Variants in KDM3B observed in about 807,000 individuals in gnomAD.
KDM3B encodes lysine-specific demethylase 3B.
A neutral mutation model predicts 170.0 loss-of-function variants in KDM3B; 10 were observed. That is an observed-to-expected ratio of 0.06 (90% CI 0.04 to 0.10). The LOEUF is 0.10. Ranked by LOEUF, KDM3B falls within the 10% of genes least tolerant of loss-of-function variation. The probability of loss-of-function intolerance (pLI) is 1.00; values close to 1 mark genes in which losing one functional copy is unlikely to be tolerated. For missense variants in KDM3B, 1,394 were observed against 2,195.2 expected (o/e 0.64, Z 7.29); for synonymous variants, 831 against 834.8 (o/e 1.00, Z 0.08).
intron 11 of KDM3B, among the ~76,000 whole-genome samples, chr5:138,403,677 C>CAAA (rs35608823): frequency 7.6e-6 from 1 of 132,234 alleles, no homozygotes; most frequent in Non-Finnish European, 1.6e-5. Context: ...AACTCTGTCT[C>CAAA]AAAAAAAAAA....
chr5:138,372,108 G>A (rs1306457053), intron 1 of KDM3B, among the ~76,000 whole-genome samples: 1 of 152,178 alleles, frequency 6.6e-6, no homozygotes, highest in Non-Finnish European at 1.5e-5. Flanking sequence ...GTGAGACCCT[G>A]TCTCAATCGA....
At chr5:138,393,510 AGAG>A (rs1762483730) in intron 9 of KDM3B, 138 bp downstream of exon 9, 2 of 693,532 alleles carry the variant, frequency 2.9e-6, no homozygotes, top group Non-Finnish European at 4.9e-6. Flanking sequence ...GCGTCTGTGA[AGAG>A]GCTCTGGCAT....
intron 22 of KDM3B, among the ~76,000 whole-genome samples, chr5:138,430,875 A>C (rs1763514530): frequency 6.6e-6 from 1 of 152,004 alleles, no homozygotes; most frequent in Non-Finnish European, 1.5e-5. Flanking sequence ...GGGCAACAAG[A>C]GCGAAACTCA....
intron 14 of KDM3B, among the ~76,000 whole-genome samples, chr5:138,419,613 C>T (rs1165908724): frequency 7.0e-6 from 1 of 142,794 alleles, no homozygotes; most frequent in Non-Finnish European, 1.5e-5. Flanking sequence ...CAAGATCATG[C>T]CACTGCACTC....
At position 138,436,987 on chromosome 5, in the gene KDM3B, A is replaced by C. The variant is rs1763692025; in HGVS notation, c.*1287A>C. On this transcript the variant is annotated 3_prime_UTR_variant, in exon 24 of 24. Transcript: ENST00000314358. Reference sequence around the variant, plus strand: ...GTATTTTAATTTTGTTGAAGGGCTGATTGGGATTTCCATGTTCTTATTAAA... The same window carrying C: ...GTATTTTAATTTTGTTGAAGGGCTGCTTGGGATTTCCATGTTCTTATTAAA... 1 of 149,940 alleles carries C rather than the reference A, an allele frequency of 6.7e-6. No individual in the cohort carries two copies. 9.3% of individuals were successfully genotyped at this position (149,940 alleles called of 1,614,324 possible). A position where few individuals can be genotyped will look rare whatever the true frequency, so the allele number is the denominator to read the frequency against.
intron 1 of KDM3B, among the ~76,000 whole-genome samples, chr5:138,370,458 A>G (rs1417315729): frequency 6.6e-6 from 1 of 152,210 alleles, no homozygotes; most frequent in African/African-American, 2.4e-5. Flanking sequence ...TCATATCATT[A>G]TAATTTTTAT....
chr5:138,427,256 G>T lies in KDM3B; in HGVS notation c.4570G>T (p.Ala1524Ser). 6.2e-7 allele frequency: 1 copy of T among 1,614,088 alleles called. No individual in the cohort carries two copies. Among genetic ancestry groups the T allele is most frequent in the Non-Finnish European group, 8.5e-7 (1 of 1,179,956 alleles). The change falls in exon 19 of 24, where the codon GCC becomes TCC. Residue 1524 changes from alanine (A) to serine (S), a missense_variant. Ala to Ser is a moderately conservative substitution (Grantham distance 99). This residue lies in a region of KDM3B where 66 missense variants were observed against 178.8 expected (regional missense o/e 0.37). Transcript: ENST00000314358. ...YTKRDGRLNL[A>S]SRLPSYFVRP... Reference sequence around the variant, plus strand: ...CAAACGAGATGGCAGGCTCAATCTGGCCTCTAGGCTACCTAGCTACTTTGT... The same window carrying T: ...CAAACGAGATGGCAGGCTCAATCTGTCCTCTAGGCTACCTAGCTACTTTGT...
intron 17 of KDM3B, 83 bp downstream of exon 17, chr5:138,425,665 ATT>A: frequency 8.2e-7 from 1 of 1,218,360 alleles, no homozygotes. Flanking sequence ...TGAATAATAA[ATT>A]ATATTCTGGG....
At chr5:138,370,897 C>T (rs971478014) in intron 1 of KDM3B, among the ~76,000 whole-genome samples, 1 of 152,092 alleles carries the variant, frequency 6.6e-6, no homozygotes, top group African/African-American at 2.4e-5. Context: ...CAACCTCCGC[C>T]TCCTGGGTTC....
chr5:138,426,722 C>G, intron 17 of KDM3B: 2 of 379,342 alleles, frequency 5.3e-6, no homozygotes, highest in Non-Finnish European at 1.0e-5. Flanking sequence ...AAAACCCCGT[C>G]TCTACTAAAA....
chr5:138,413,684 A>G (rs1763032814), intron 11 of KDM3B, among the ~76,000 whole-genome samples: 1 of 151,702 alleles, frequency 6.6e-6, no homozygotes, highest in South Asian at 2.1e-4. Context: ...CCCAGGCTGG[A>G]GTGCAGTGGA....
intron 1 of KDM3B, among the ~76,000 whole-genome samples, chr5:138,353,276 C>T (rs920437750): frequency 6.6e-6 from 1 of 152,352 alleles, no homozygotes; most frequent in Non-Finnish European, 1.5e-5. Flanking sequence ...GGCGTTCCCC[C>T]CAACACGCCT....
intron 1 of KDM3B, among the ~76,000 whole-genome samples, chr5:138,358,485 T>C (rs958496285): frequency 6.6e-6 from 1 of 151,590 alleles, no homozygotes; most frequent in Admixed American, 6.6e-5. Context: ...TTTTATTTAT[T>C]AGTAGAGACG....
At chr5:138,387,437 A>G (rs1725485010) in intron 7 of KDM3B, among the ~76,000 whole-genome samples, 1 of 152,192 alleles carries the variant, frequency 6.6e-6, no homozygotes, top group African/African-American at 2.4e-5. Context: ...AAAATTATAT[A>G]TAGGAAACTA....
intron 8 of KDM3B, among the ~76,000 whole-genome samples, chr5:138,392,770 C>T (rs932250817): frequency 2.6e-5 from 4 of 152,220 alleles, no homozygotes; most frequent in Non-Finnish European, 2.9e-5. Flanking sequence ...GGTCCAGAAG[C>T]GGGTAAAACA....
rs1763666491 is a variant in KDM3B, at chr5:138,436,076, G to A, written c.*376G>A. 2 of 226,318 alleles carry A rather than the reference G, an allele frequency of 8.8e-6. No individual in the cohort carries two copies. The highest frequency in any genetic ancestry group is 1.8e-5 in the Non-Finnish European group (2 of 113,668). 14.0% of individuals were successfully genotyped at this position (226,318 alleles called of 1,614,324 possible). On this transcript the variant is annotated 3_prime_UTR_variant, in exon 24 of 24. Transcript: ENST00000314358. Reference sequence around the variant, plus strand: ...TAAGTGGAAATGTGTTTGGAGATAGGGGAAATCACATAACTGGTACAAGTA... The same window carrying A: ...TAAGTGGAAATGTGTTTGGAGATAGAGGAAATCACATAACTGGTACAAGTA...
rs1417741282 is a variant in KDM3B, at chr5:138,381,381, G to A, written c.706-135G>A. 7 of 613,592 alleles carry A rather than the reference G, an allele frequency of 1.1e-5. No individual in the cohort carries two copies. In the East Asian group the frequency reaches 1.9e-4, roughly 17 times the overall value. The allele number at this position is 613,592 out of a possible 1,614,324, so 38.0% of individuals were successfully genotyped here. A position where few individuals can be genotyped will look rare whatever the true frequency, so the allele number is the denominator to read the frequency against. On this transcript the variant is annotated intron_variant, in intron 5 of 23. Transcript: ENST00000314358. ...TTGTAGCAGTAAATGAGACAGTAGA[G>A]ATCTCTGCTCTCATGGAGCTTTCAT...
chr5:138,427,925 A>C, intron 19 of KDM3B, 42 bp from the exon 20 acceptor site: 1 of 1,593,524 alleles, frequency 6.3e-7, no homozygotes, highest in South Asian at 1.1e-5. Flanking sequence ...GATTCTTCCA[A>C]ATATTGGCCC....
chr5:138,405,438 T>G (rs997663413), intron 11 of KDM3B, among the ~76,000 whole-genome samples: 2 of 152,048 alleles, frequency 1.3e-5, no homozygotes, highest in African/African-American at 4.8e-5. Context: ...GCTGAGAGGT[T>G]GAGGCCGCAG....
Sources: allele counts gnomAD v4.1 joint callset (sites outside exome capture counted in the v4.1 genomes callset), GRCh38; gene constraint gnomAD v4.1.1; regional missense constraint gnomAD v4.1.1; transcripts MANE v1.5; gene names NCBI Gene and HGNC (gene_info 2026-07-23, HGNC 2026-07-21).